Variants in ANKRD6 observed in about 807,000 individuals in gnomAD.
ANKRD6 encodes ankyrin repeat domain-containing protein 6.
Under a neutral mutation model 82.3 loss-of-function variants are expected in ANKRD6, and 56 were observed. The ratio of observed to expected loss-of-function variants is 0.68; its 90% CI spans 0.55 to 0.85. ANKRD6 has a LOEUF of 0.85. ANKRD6 is among the 40% of genes least tolerant of loss of function. The pLI, the probability that ANKRD6 is intolerant of heterozygous loss-of-function variation, is 0.00. For synonymous variants in ANKRD6, 347 were observed against 352.1 expected (o/e 0.99, Z 0.16); for missense variants, 852 against 907.6 (o/e 0.94, Z 0.79).
chr6:89,477,239 C>T (rs1216095050), intron 1 of ANKRD6, among the ~76,000 whole-genome samples: 2 of 151,992 alleles, frequency 1.3e-5, no homozygotes, highest in Non-Finnish European at 2.9e-5. Flanking sequence ...CCACCGTGCC[C>T]AGCCGGTGAA....
In ANKRD6 at chr6:89,545,855, A is replaced by G. The variant is rs571928363; in HGVS notation, c.-143-20979A>G. On this transcript the variant is annotated intron_variant, in intron 1 of 15. Coordinates refer to ENST00000339746, the MANE Select transcript of ANKRD6 (RefSeq NM_001242809.2). ...AGTCTCACACTGTTGCCCAGACTGGAGTGCAGTGGTGCAATCTTGGCTCAC... is the reference window on the plus strand; with the variant it reads ...AGTCTCACACTGTTGCCCAGACTGGGGTGCAGTGGTGCAATCTTGGCTCAC... Among the ~76,000 whole-genome samples, 5 of 152,344 alleles carry G rather than the reference A, an allele frequency of 3.3e-5. No individual in the cohort carries two copies. In the South Asian group the frequency reaches 1.0e-3, roughly 32 times the overall value.
chr6:89,621,721 C>T, intron 9 of ANKRD6: 3 of 594,404 alleles, frequency 5.0e-6, no homozygotes, highest in Admixed American at 5.8e-5. Flanking sequence ...AATATCCTAC[C>T]TGTCTCCGAG....
At chr6:89,517,561 A>G (rs1224035375) in intron 1 of ANKRD6, among the ~76,000 whole-genome samples, 1 of 152,250 alleles carries the variant, frequency 6.6e-6, no homozygotes, top group East Asian at 1.9e-4. Flanking sequence ...TAAAAACATA[A>G]GAGTGGGGAA....
intron 1 of ANKRD6, among the ~76,000 whole-genome samples, chr6:89,487,055 C>T (rs1477447298): frequency 6.6e-6 from 1 of 152,164 alleles, no homozygotes; most frequent in East Asian, 1.9e-4. Flanking sequence ...AGTACAGGTC[C>T]TAGAGTTGGA....
intron 1 of ANKRD6, among the ~76,000 whole-genome samples, chr6:89,559,998 T>G (rs1787161825): frequency 6.6e-6 from 1 of 152,202 alleles, no homozygotes; most frequent in Non-Finnish European, 1.5e-5. Flanking sequence ...CTGTCATTCA[T>G]TAAATGGACA....
chr6:89,540,036 A>G (rs1023233394), intron 1 of ANKRD6, among the ~76,000 whole-genome samples: 2 of 152,118 alleles, frequency 1.3e-5, no homozygotes, highest in African/African-American at 2.4e-5. Flanking sequence ...TCATCTGTTG[A>G]TGGACACTTA....
chr6:89,601,034 C>G (rs1797025118), intron 3 of ANKRD6, among the ~76,000 whole-genome samples: 1 of 152,170 alleles, frequency 6.6e-6, no homozygotes, highest in Non-Finnish European at 1.5e-5. Flanking sequence ...GAGACTCTGT[C>G]TCTAAACAAA....
intron 1 of ANKRD6, among the ~76,000 whole-genome samples, chr6:89,442,668 A>G (rs1771565541): frequency 6.7e-6 from 1 of 149,898 alleles, no homozygotes; most frequent in African/African-American, 2.5e-5. Flanking sequence ...GACAGCAATC[A>G]TTATCTGTGA....
chr6:89,585,450 A>C (rs1793486878), intron 2 of ANKRD6, among the ~76,000 whole-genome samples: 1 of 152,234 alleles, frequency 6.6e-6, no homozygotes, highest in South Asian at 2.1e-4. Context: ...ACTTAATGCC[A>C]CTGAATTATA....
intron 1 of ANKRD6, among the ~76,000 whole-genome samples, chr6:89,544,951 C>T (rs567824656): frequency 6.6e-5 from 10 of 152,034 alleles, no homozygotes; most frequent in South Asian, 4.1e-4. Context: ...CGGTGGCTCA[C>T]GCCTGTAATC....
chr6:89,487,141 C>T (rs976702481), intron 1 of ANKRD6, among the ~76,000 whole-genome samples: 1 of 152,168 alleles, frequency 6.6e-6, no homozygotes, highest in South Asian at 2.1e-4. Context: ...ATTATTTACT[C>T]ATCTGTATAA....
chr6:89,494,040 C>G (rs1778326308), intron 1 of ANKRD6, among the ~76,000 whole-genome samples: 1 of 152,040 alleles, frequency 6.6e-6, no homozygotes, highest in Non-Finnish European at 1.5e-5. Flanking sequence ...AGATTGGGTT[C>G]AACTCTGAAT....
intron 12 of ANKRD6, 131 bp downstream of exon 12, chr6:89,624,188 A>AGAT (rs1300818954): frequency 1.1e-5 from 12 of 1,092,660 alleles, no homozygotes; most frequent in Non-Finnish European, 1.4e-5. Flanking sequence ...AAGGTAAGCC[A>AGAT]GATGGCCTCC....
chr6:89,564,235 T>C (rs983009891), intron 1 of ANKRD6, among the ~76,000 whole-genome samples: 4 of 152,098 alleles, frequency 2.6e-5, no homozygotes, highest in South Asian at 2.1e-4. Flanking sequence ...AGGGACCTGT[T>C]CTGGAGGCTG....
chr6:89,494,544 A>C (rs1011767800), intron 1 of ANKRD6, among the ~76,000 whole-genome samples: 1 of 152,212 alleles, frequency 6.6e-6, no homozygotes, highest in African/African-American at 2.4e-5. Flanking sequence ...ACTCACAAAG[A>C]CCATTAATAG....
intron 13 of ANKRD6, 74 bp from the exon 14 acceptor site, chr6:89,627,509 T>G: frequency 7.0e-7 from 1 of 1,422,152 alleles, no homozygotes; most frequent in South Asian, 1.2e-5. Flanking sequence ...CCCAAGCCCC[T>G]CTGCAGGAGC....
intron 1 of ANKRD6, among the ~76,000 whole-genome samples, chr6:89,436,579 T>C (rs962503216): frequency 1.9e-4 from 29 of 152,178 alleles, no homozygotes; most frequent in African/African-American, 7.0e-4. Flanking sequence ...AGGGACAATA[T>C]TGTATGATTC....
At chr6:89,496,058 A>T (rs2127861417) in intron 1 of ANKRD6, among the ~76,000 whole-genome samples, 1 of 152,068 alleles carries the variant, frequency 6.6e-6, no homozygotes, top group South Asian at 2.1e-4. Flanking sequence ...GGCCACCTTC[A>T]GTCTTTAGGA....
At chr6:89,579,105 T>C (rs1791838405) in intron 2 of ANKRD6, among the ~76,000 whole-genome samples, 2 of 152,120 alleles carry the variant, frequency 1.3e-5, no homozygotes, top group African/African-American at 4.8e-5. Flanking sequence ...CGGTGTAGTG[T>C]AGAAGGTACA....
Sources: gnomAD v4.1 joint callset for allele counts (sites outside exome capture counted in the v4.1 genomes callset) on GRCh38, gnomAD v4.1.1 for gene constraint, MANE v1.5 for transcripts, NCBI Gene and HGNC (gene_info 2026-07-23, HGNC 2026-07-21) for gene names.